The following FBXO36 variants were observed in gnomAD, a reference collection of about 807,000 sequenced individuals.
FBXO36 encodes F-box only protein 36.
Under a neutral mutation model 17.0 loss-of-function variants are expected in FBXO36, and 18 were observed. That is an observed-to-expected ratio of 1.06 (90% CI 0.73 to 1.57). The LOEUF (loss-of-function observed/expected upper bound fraction) is 1.57, where lower values mean the gene tolerates loss of function less well. Among genes scored for constraint, FBXO36 ranks in the 40% most tolerant of loss-of-function variants. The pLI, the probability that FBXO36 is intolerant of heterozygous loss-of-function variation, is 0.00. For missense variants in FBXO36, 229 were observed against 221.9 expected (o/e 1.03, Z -0.20); for synonymous variants, 83 against 85.3 (o/e 0.97, Z 0.15).
intron 1 of FBXO36, among the ~76,000 whole-genome samples, chr2:229,975,777 T>C (rs1023305233): frequency 5.5e-5 from 8 of 146,632 alleles, no homozygotes; most frequent in African/African-American, 2.0e-4. Flanking sequence ...TGCCCAGCCT[T>C]TGACCTGATC....
chr2:229,996,940 T>C lies in FBXO36; in HGVS notation c.378+17T>C. ...TTTGCAAAGGTAACGGTCAATTATTTTATGTCTATATAGAATTTTCCATGT... is the reference window on the plus strand; with the variant it reads ...TTTGCAAAGGTAACGGTCAATTATTCTATGTCTATATAGAATTTTCCATGT... On this transcript the variant is annotated intron_variant, in intron 3 of 3. Transcript: ENST00000283946. The C allele has an allele frequency of 6.2e-7, 1 of 1,601,262 alleles. No individual in the cohort carries two copies.
chr2:229,955,667 A>G (rs972742083), intron 1 of FBXO36, among the ~76,000 whole-genome samples: 2 of 152,178 alleles, frequency 1.3e-5, no homozygotes, highest in Non-Finnish European at 2.9e-5. Flanking sequence ...TGTGGAATGA[A>G]TGAAATACTA....
chr2:229,937,833 A>C (rs2076972466), intron 1 of FBXO36: 1 of 151,440 alleles, frequency 6.6e-6, no homozygotes, highest in Non-Finnish European at 1.5e-5. Flanking sequence ...GGGCCATGCT[A>C]ATCTCTGTAT....
chr2:229,950,888 C>T (rs1167085534), intron 1 of FBXO36, among the ~76,000 whole-genome samples: 2 of 151,698 alleles, frequency 1.3e-5, no homozygotes, highest in African/African-American at 2.4e-5. Flanking sequence ...TCCCAAGTAT[C>T]TGGGATTACA....
chr2:229,963,869 A>G (rs1382010833), intron 1 of FBXO36, among the ~76,000 whole-genome samples: 1 of 152,200 alleles, frequency 6.6e-6, no homozygotes, highest in African/African-American at 2.4e-5. Context: ...CCCTCCATAC[A>G]TTTTGTACCA....
At chr2:229,967,805 T>C (rs1218392250) in intron 1 of FBXO36, among the ~76,000 whole-genome samples, 2 of 152,220 alleles carry the variant, frequency 1.3e-5, no homozygotes, top group Admixed American at 6.6e-5. Flanking sequence ...ACTTTTGCAT[T>C]GATGTTCATC....
chr2:229,932,030 C>T (rs2076941078), intron 1 of FBXO36, among the ~76,000 whole-genome samples: 1 of 151,776 alleles, frequency 6.6e-6, no homozygotes, highest in African/African-American at 2.4e-5. Flanking sequence ...AATCCACCCA[C>T]TTTAGCCCCC....
intron 1 of FBXO36, among the ~76,000 whole-genome samples, chr2:229,944,844 C>G (rs1006254019): frequency 2.0e-5 from 3 of 152,058 alleles, no homozygotes; most frequent in Non-Finnish European, 4.4e-5. Context: ...CCACCCACCT[C>G]GGACTCCCAA....
chr2:229,956,350 A>G (rs568212340), intron 1 of FBXO36, among the ~76,000 whole-genome samples: 162 of 152,320 alleles, frequency 1.1e-3, no homozygotes, highest in African/African-American at 3.8e-3. Context: ...GAACTTTCCC[A>G]TCACCCTCTG....
chr2:229,947,825 A>G (rs2077035413), intron 1 of FBXO36, among the ~76,000 whole-genome samples: 1 of 152,236 alleles, frequency 6.6e-6, no homozygotes, highest in South Asian at 2.1e-4. Flanking sequence ...TCAGTTTTTT[A>G]TAGCTGAGTA....
chr2:229,926,752 T>C (rs1217203892), intron 1 of FBXO36, among the ~76,000 whole-genome samples: 1 of 151,814 alleles, frequency 6.6e-6, no homozygotes, highest in Non-Finnish European at 1.5e-5. Context: ...AAAAAAATAC[T>C]GTTATTCTTA....
intron 3 of FBXO36, among the ~76,000 whole-genome samples, chr2:229,998,864 G>A (rs1166416044): frequency 4.1e-5 from 6 of 146,012 alleles, no homozygotes; most frequent in African/African-American, 7.6e-5. Context: ...GTGCAGTGGC[G>A]CGATCTCGGC....
intron 2 of FBXO36, among the ~76,000 whole-genome samples, chr2:229,991,617 G>A (rs535216281): frequency 9.8e-5 from 15 of 152,304 alleles, no homozygotes; most frequent in Admixed American, 2.6e-4. Context: ...TTTGTACTGC[G>A]TGTGACCCTT....
intron 1 of FBXO36, chr2:229,939,392 A>AT: frequency 2.2e-6 from 1 of 456,938 alleles, no homozygotes; most frequent in Non-Finnish European, 2.9e-6. Flanking sequence ...TCTCTTCAGC[A>AT]TTTTTTGAAA....
At chr2:230,003,021 G>T (rs1477753499) in intron 3 of FBXO36, among the ~76,000 whole-genome samples, 1 of 151,778 alleles carries the variant, frequency 6.6e-6, no homozygotes, top group African/African-American at 2.4e-5. Flanking sequence ...AACCATCCTG[G>T]CCAACATGAT....
At chr2:229,997,062 A>G (rs980188920) in intron 3 of FBXO36, 139 bp downstream of exon 3, 5 of 741,094 alleles carry the variant, frequency 6.7e-6, no homozygotes, top group Non-Finnish European at 8.9e-6. Flanking sequence ...AGATGAAATG[A>G]CATTCCTCCC....
intron 2 of FBXO36, among the ~76,000 whole-genome samples, chr2:229,990,135 A>G (rs2077291024): frequency 6.6e-6 from 1 of 151,626 alleles, no homozygotes; most frequent in African/African-American, 2.4e-5. Context: ...AGTTCTCTCC[A>G]TATTCCAGAA....
At chr2:229,945,670 T>C (rs1214554931) in intron 1 of FBXO36, among the ~76,000 whole-genome samples, 1 of 152,204 alleles carries the variant, frequency 6.6e-6, no homozygotes, top group Non-Finnish European at 1.5e-5. Flanking sequence ...TTCTGTGTTC[T>C]TCTCTATCCT....
chr2:229,925,521 C>A (rs1163586710), intron 1 of FBXO36, among the ~76,000 whole-genome samples: 3 of 152,044 alleles, frequency 2.0e-5, no homozygotes, highest in Non-Finnish European at 4.4e-5. Context: ...AAAATTATTT[C>A]TTGTACATTT....
Sources: allele counts gnomAD v4.1 joint callset (sites outside exome capture counted in the v4.1 genomes callset), GRCh38; gene constraint gnomAD v4.1.1; transcripts MANE v1.5; gene names NCBI Gene and HGNC (gene_info 2026-07-23, HGNC 2026-07-21).